Variants in ZNF446 observed in about 807,000 individuals in gnomAD.
The protein encoded by ZNF446 is zinc finger protein 446.
ZNF446 carries 42 observed loss-of-function variants against 34.0 expected under a neutral mutation model. That is an observed-to-expected ratio of 1.23 (90% CI 0.96 to 1.60). ZNF446 has a LOEUF of 1.60. ZNF446 is among the 40% of genes most tolerant of loss of function. ZNF446 has a pLI of 0.00. For missense variants in ZNF446, 650 were observed against 600.2 expected (o/e 1.08, Z -0.87); for synonymous variants, 315 against 251.0 (o/e 1.25, Z -2.41).
chr19:58,482,089 C>A (rs111511914), downstream of ZNF446, among the ~76,000 whole-genome samples: 2 of 152,178 alleles, frequency 1.3e-5, no homozygotes, highest in Non-Finnish European at 2.9e-5. Context: ...CCACCGCGCC[C>A]GGCCAAAATC....
chr19:58,477,558 T>C lies in ZNF446; in HGVS notation c.340T>C (p.Trp114Arg). The stretch of plus-strand genomic sequence containing the variant: ...GCATGACCCTGGGCAACTGTTGGGC[T>C]GGGTGAGTGTGGCTGGCATCAGCTT... Reference protein sequence around the residue: ...LQHDPGQLLGWITAHVLKQEV... With the variant: ...LQHDPGQLLGRITAHVLKQEV... Residue 114 changes from tryptophan (W) to arginine (R), a missense_variant and splice_region_variant, in exon 2 of 7, where the codon TGG becomes CGG. Trp to Arg is a moderately radical substitution (Grantham distance 101). Transcript: ENST00000594369. The C allele has an allele frequency of 6.2e-7, 1 of 1,612,240 alleles. No homozygotes were observed. The highest frequency in any genetic ancestry group is 8.5e-7 in the Non-Finnish European group (1 of 1,179,022).
intron 4 of ZNF446, 193 bp from the exon 5 acceptor site, chr19:58,479,450 A>G (rs1349180852): frequency 8.2e-6 from 5 of 608,424 alleles, no homozygotes; most frequent in Non-Finnish European, 1.4e-5. Flanking sequence ...GAGTGCTGGC[A>G]GCAGCACTGG....
chr19:58,480,924 G>C lies in ZNF446; in HGVS notation c.*198G>C. The C allele has an allele frequency of 1.5e-6, 1 of 671,610 alleles. No individual in the cohort carries two copies. Among genetic ancestry groups the C allele is most frequent in the Non-Finnish European group, 2.5e-6 (1 of 405,806 alleles). 41.6% of individuals were successfully genotyped at this position (671,610 alleles called of 1,614,324 possible). On this transcript the variant is annotated 3_prime_UTR_variant, in exon 7 of 7. Transcript: ENST00000594369. The surrounding 1 kb of genome is among the most constrained non-coding windows in gnomAD (Gnocchi z 7.2). The stretch of plus-strand genomic sequence containing the variant: ...AAAAGGAGCTGCTCTCTCTCTTCTT[G>C]CCCCTGCCTCCTAGAGGGAGGTCTG...
Position 58,480,101 on chromosome 19 carries a change from G to A in ZNF446, c.803-75G>A, listed in dbSNP as rs2053124937. The A allele has an allele frequency of 6.4e-7, 1 of 1,560,954 alleles. No individual in the cohort carries two copies. The highest frequency in any genetic ancestry group is 1.2e-5 in the South Asian group (1 of 86,594). On this transcript the variant is annotated intron_variant, in intron 6 of 6. Coordinates refer to ENST00000594369, the MANE Select transcript of ZNF446 (RefSeq NM_017908.4). This position sits in a 1 kb window ranked among gnomAD's most constrained non-coding sequence, Gnocchi z 7.2. ...GCCACCCACTCATGGGGGGACGGGAGCTTGTGCCACGGCCACAAGCCTGAG... is the reference window on the plus strand; with the variant it reads ...GCCACCCACTCATGGGGGGACGGGAACTTGTGCCACGGCCACAAGCCTGAG...
intron 4 of ZNF446, among the ~76,000 whole-genome samples, chr19:58,478,433 G>A (rs2053108654): frequency 6.6e-6 from 1 of 152,118 alleles, no homozygotes; most frequent in African/African-American, 2.4e-5. Flanking sequence ...GGAGGCTGAG[G>A]TGAGCGGATC....
chr19:58,488,791 C>T, the ZNF446 span, among the ~76,000 whole-genome samples: 4 of 139,442 alleles, frequency 2.9e-5, no homozygotes, highest in Admixed American at 7.7e-5. Context: ...GTGGAGCTTG[C>T]GGTGAGCCAA....
downstream of ZNF446, among the ~76,000 whole-genome samples, chr19:58,482,483 A>C (rs969773040): frequency 1.3e-5 from 2 of 152,056 alleles, no homozygotes; most frequent in African/African-American, 2.4e-5. Flanking sequence ...GGATGGTTTC[A>C]GGAAATGGGT....
downstream of ZNF446, among the ~76,000 whole-genome samples, chr19:58,485,329 G>A (rs986227659): frequency 1.3e-5 from 2 of 148,372 alleles, no homozygotes; most frequent in African/African-American, 2.5e-5. Flanking sequence ...GTGAAAGCCC[G>A]TCTCTACTAA....
In ZNF446 at chr19:58,479,986, ACGGGGACAGG is replaced by A; in HGVS notation, c.772_781del (p.Gly258SerfsTer105). 3 of 1,591,006 alleles carry A rather than the reference ACGGGGACAGG, an allele frequency of 1.9e-6. No homozygotes were observed. The East Asian group carries it at 6.8e-5, about 36-fold the overall frequency. Reference sequence around the variant, plus strand: ...CCAGTCAGAGCTGGGGATGCTGCTCACGGGGACAGGCGTCTGCAGAAGCCTGCGCTCGGGT... The same window carrying A: ...CCAGTCAGAGCTGGGGATGCTGCTCACGTCTGCAGAAGCCTGCGCTCGGGT... On this transcript the variant is annotated frameshift_variant, in exon 6 of 7. Transcript: ENST00000594369. LOFTEE classifies it low-confidence loss of function (END_TRUNC).
At chr19:58,487,745 G>T in the ZNF446 span, among the ~76,000 whole-genome samples, 1 of 152,176 alleles carries the variant, frequency 6.6e-6, no homozygotes, top group African/African-American at 2.4e-5. Flanking sequence ...GGAGGTGGAG[G>T]TTGCAGTGAG....
intron 5 of ZNF446, 78 bp downstream of exon 5, chr19:58,479,805 C>T: frequency 6.6e-7 from 1 of 1,511,174 alleles, no homozygotes. Flanking sequence ...CTGGGCAGGG[C>T]CTCTGTGCTA....
At chr19:58,479,224 T>C (rs1164310919) in intron 4 of ZNF446, among the ~76,000 whole-genome samples, 8 of 152,178 alleles carry the variant, frequency 5.3e-5, no homozygotes, top group Non-Finnish European at 1.2e-4. Context: ...TCTCTAGCTG[T>C]GGCTCCTCAC....
chr19:58,484,390 C>T (rs1057461110), downstream of ZNF446, among the ~76,000 whole-genome samples: 4 of 148,614 alleles, frequency 2.7e-5, no homozygotes, highest in Non-Finnish European at 4.4e-5. Flanking sequence ...CACTTGAGTC[C>T]AGGAGGTTGA....
downstream of ZNF446, among the ~76,000 whole-genome samples, chr19:58,485,548 C>A (rs1303891102): frequency 1.7e-4 from 26 of 151,912 alleles, no homozygotes; most frequent in Non-Finnish European, 5.9e-5. Flanking sequence ...CAGGAGTGGA[C>A]AACTAGGTCA....
rs751356726 is a variant in ZNF446, at chr19:58,477,301, G to A, written c.83G>A (p.Arg28His). Residue 28 changes from arginine (R) to histidine (H), a missense_variant, in exon 2 of 7, where the codon CGC becomes CAC. Arg to His is a conservative substitution (Grantham distance 29). Coordinates refer to ENST00000594369, the MANE Select transcript of ZNF446 (RefSeq NM_017908.4). ...TLEEPETARL[R>H]FRGFCYQEVA... ...GAGGAGCCTGAGACTGCCCGCCTCC[G>A]CTTCCGAGGGTTCTGCTACCAGGAG... 6.4e-5 allele frequency: 104 copies of A among 1,612,784 alleles called. No homozygotes were observed. Among genetic ancestry groups the A allele is most frequent in the Middle Eastern group, 1.7e-4 (1 of 6,036 alleles).
chr19:58,477,404 G>A lies in ZNF446; in HGVS notation c.186G>A (p.Lys62=). 6.2e-7 allele frequency: 1 copy of A among 1,613,464 alleles called. No homozygotes were observed. The highest frequency in any genetic ancestry group is 8.5e-7 in the Non-Finnish European group (1 of 1,180,020). The change falls in exon 2 of 7, where the codon AAG becomes AAA. Residue 62 remains lysine, a synonymous_variant. Coordinates refer to ENST00000594369, the MANE Select transcript of ZNF446 (RefSeq NM_017908.4). ...CQWLQPEAHS[K]EQMLEMLVLE... is the part of the protein sequence containing the mutation. ...GGCTGCAGCCTGAGGCACACTCCAA[G>A]GAGCAGATGCTGGAGATGCTGGTGC...
At position 58,480,463 on chromosome 19, in the gene ZNF446, G is replaced by A. The variant is rs745729829; in HGVS notation, c.1090G>A (p.Gly364Arg). Residue 364 changes from glycine to arginine, a missense_variant, in exon 7 of 7, where the codon GGG becomes AGG. Transcript: ENST00000594369. The surrounding 1 kb of genome is among the most constrained non-coding windows in gnomAD (Gnocchi z 7.2). ...GAGTGGGCCAGGTGTGCAGTCCCCG[G>A]GGCTAGCCACCGGGGAAAGCACAGA... Reference protein sequence around the residue: ...HTSGPGVQSPGLATGESTEKP... With the variant: ...HTSGPGVQSPRLATGESTEKP... The A allele has an allele frequency of 6.2e-7, 1 of 1,612,792 alleles. No individual in the cohort carries two copies. Among genetic ancestry groups the A allele is most frequent in the East Asian group, 2.2e-5 (1 of 44,836 alleles).
chr19:58,479,880 C>A, intron 5 of ZNF446, 50 bp from the exon 6 acceptor site: 2 of 1,447,458 alleles, frequency 1.4e-6, no homozygotes, highest in Non-Finnish European at 1.9e-6. Flanking sequence ...ACCGACCCCA[C>A]CCCTCCTTCA....
At chr19:58,481,954 C>T (rs565328948), downstream of ZNF446, among the ~76,000 whole-genome samples, 8 of 152,244 alleles carry the variant, frequency 5.3e-5, no homozygotes, top group Admixed American at 4.6e-4. Flanking sequence ...CCACCACGCC[C>T]GGCTAATTTT....
Sources: gnomAD v4.1 joint callset for allele counts (sites outside exome capture counted in the v4.1 genomes callset) on GRCh38, gnomAD v4.1.1 for gene constraint, Gnocchi (gnomAD v3.1) non-coding constraint, MANE v1.5 for transcripts, NCBI Gene and HGNC (gene_info 2026-07-23, HGNC 2026-07-21) for gene names.